Variants in GEMIN7 observed in about 807,000 individuals in gnomAD.
The protein encoded by GEMIN7 is gem nuclear organelle associated protein 7, also known as gem-associated protein 7.
GEMIN7 carries 7 observed loss-of-function variants against 7.8 expected under a neutral mutation model. The ratio of observed to expected loss-of-function variants is 0.90; its 90% CI spans 0.51 to 1.69. GEMIN7 has a LOEUF of 1.69. Ranked by LOEUF, GEMIN7 falls within the 40% of genes most tolerant of loss-of-function variation. The probability of loss-of-function intolerance (pLI) is 0.00; values close to 1 mark genes in which losing one functional copy is unlikely to be tolerated. For missense variants in GEMIN7, 159 were observed against 176.2 expected (o/e 0.90, Z 0.55); for synonymous variants, 68 against 72.4 (o/e 0.94, Z 0.31).
chr19:45,085,119 C>T (rs1185451905), intron 2 of GEMIN7, among the ~76,000 whole-genome samples: 3 of 152,182 alleles, frequency 2.0e-5, no homozygotes, highest in Non-Finnish European at 4.4e-5. Flanking sequence ...AGGGTTTCAC[C>T]GTGTTGACCA....
At chr19:45,076,128 G>C (rs1387100614), upstream of GEMIN7, 2 of 1,556,524 alleles carry the variant, frequency 1.3e-6, no homozygotes, top group Non-Finnish European at 1.7e-6. This position sits in a 1 kb window ranked among gnomAD's most constrained non-coding sequence, Gnocchi z 4.9. Context: ...TCCGCGGGCC[G>C]AGGGCGAGGA....
chr19:45,076,749 TAGTC>T (rs1967364136), upstream of GEMIN7: 1 of 198,404 alleles, frequency 5.0e-6, no homozygotes, highest in Non-Finnish European at 1.0e-5. This position sits in a 1 kb window ranked among gnomAD's most constrained non-coding sequence, Gnocchi z 4.9. Flanking sequence ...GCGAGAAAAA[TAGTC>T]GGTCACGTTT....
intron 2 of GEMIN7, among the ~76,000 whole-genome samples, 191 bp from the exon 3 acceptor site, chr19:45,089,916 G>C (rs1034371731): frequency 4.6e-5 from 7 of 152,196 alleles, no homozygotes; most frequent in African/African-American, 1.7e-4. Context: ...TCATGTTTTT[G>C]TGCATGTGAC....
intron 2 of GEMIN7, among the ~76,000 whole-genome samples, chr19:45,082,448 T>C (rs7250924): frequency 0.6 from 90,595 of 151,908 alleles, 27,680 homozygotes; most frequent in African/African-American, 0.69. Context: ...CCTACTCACT[T>C]TGGGTCATCA....
chr19:45,080,788 T>A (rs1440742055), intron 2 of GEMIN7, among the ~76,000 whole-genome samples: 2 of 138,540 alleles, frequency 1.4e-5, no homozygotes, highest in Non-Finnish European at 3.1e-5. Flanking sequence ...TTTTTCCTGA[T>A]GGAGAAAACA....
At chr19:45,081,328 C>T (rs1295918090) in intron 2 of GEMIN7, among the ~76,000 whole-genome samples, 4 of 151,864 alleles carry the variant, frequency 2.6e-5, no homozygotes, top group Admixed American at 6.6e-5. Flanking sequence ...CAGTGGTGCG[C>T]GCCTGTAGTC....
intron 2 of GEMIN7, chr19:45,085,296 T>C (rs1967643330): frequency 6.6e-6 from 1 of 152,196 alleles, no homozygotes; most frequent in African/African-American, 2.4e-5. Context: ...AGTGTTTCAT[T>C]TGGGGCCATC....
At chr19:45,079,700 A>AG (rs1967434315) in intron 1 of GEMIN7, among the ~76,000 whole-genome samples, 1 of 152,130 alleles carries the variant, frequency 6.6e-6, no homozygotes, top group Admixed American at 6.5e-5. Flanking sequence ...TTAGTATAAG[A>AG]AAAGGAGAGC....
At chr19:45,083,706 T>C (rs1249617209) in intron 2 of GEMIN7, among the ~76,000 whole-genome samples, 1 of 147,714 alleles carries the variant, frequency 6.8e-6, no homozygotes, top group Non-Finnish European at 1.5e-5. Context: ...GCTCACTAGA[T>C]CTTCCCACCT....
chr19:45,080,767 T>TTG (rs1555735704), intron 2 of GEMIN7, among the ~76,000 whole-genome samples: 2 of 123,966 alleles, frequency 1.6e-5, no homozygotes, highest in South Asian at 2.8e-4. Context: ...TGTTTTTTGT[T>TTG]TTTTTTTTTT....
At position 45,090,420 on chromosome 19, in the gene GEMIN7, C is replaced by T. The variant is rs771267356; in HGVS notation, c.306C>T (p.Phe102=). The change falls in exon 3 of 3, where the codon TTC becomes TTT. Residue 102 remains phenylalanine, a synonymous_variant. Coordinates refer to ENST00000270257, the MANE Select transcript of GEMIN7 (RefSeq NM_024707.3). ...FGATDLDVAN[F]YVSQLQTPIG... ...CCACCGACCTGGATGTGGCCAACTT[C>T]TACGTGTCACAGCTGCAGACTCCCA... 13 of 1,614,150 alleles carry T rather than the reference C, an allele frequency of 8.1e-6. No homozygotes were observed. Among genetic ancestry groups the T allele is most frequent in the Middle Eastern group, 1.6e-4 (1 of 6,062 alleles).
intron 2 of GEMIN7, among the ~76,000 whole-genome samples, chr19:45,082,098 C>T (rs1289717813): frequency 6.6e-6 from 1 of 152,136 alleles, no homozygotes; most frequent in Non-Finnish European, 1.5e-5. Flanking sequence ...ATCCTGAGGA[C>T]CTTAAGCCAG....
At chr19:45,076,480 C>G, upstream of GEMIN7, 1 of 829,736 alleles carries the variant, frequency 1.2e-6, no homozygotes, top group African/African-American at 1.8e-5. The surrounding 1 kb of genome is among the most constrained non-coding windows in gnomAD (Gnocchi z 4.9). Context: ...TGAGTGACTG[C>G]GGCGACCCGC....
chr19:45,079,832 A>G (rs1967439473), intron 1 of GEMIN7, 75 bp from the exon 2 acceptor site: 1 of 152,236 alleles, frequency 6.6e-6, no homozygotes, highest in African/African-American at 2.4e-5. Context: ...AATTTGCATC[A>G]AGATTCAGCA....
chr19:45,088,936 C>CTT lies in GEMIN7; in HGVS notation c.-8-1158_-8-1157dup, dbSNP rs368470130. Among the ~76,000 whole-genome samples the CTT allele has an allele frequency of 7.0e-3, 1,003 of 142,966 alleles. 15 individuals carry two copies. Among genetic ancestry groups the CTT allele is most frequent in the African/African-American group, 0.018 (691 of 38,534 alleles). 93.8% of individuals were successfully genotyped at this position (142,966 alleles called of 152,430 possible). On this transcript the variant is annotated intron_variant, in intron 2 of 2. Coordinates refer to ENST00000270257, the MANE Select transcript of GEMIN7 (RefSeq NM_024707.3). ...ATACTTCATCAAACTCCCATCCATG[C>CTT]TTTTTTTTTTTTTTCTTTTTTTTGA... is the stretch of plus-strand genomic sequence containing the variant.
chr19:45,080,198 G>A (rs940035216), intron 2 of GEMIN7, among the ~76,000 whole-genome samples, 169 bp downstream of exon 2: 99 of 148,800 alleles, frequency 6.7e-4, no homozygotes, highest in Admixed American at 6.1e-3. Flanking sequence ...AGGTCACCAG[G>A]GACAATGGAT....
chr19:45,087,035 C>T (rs569896753), intron 2 of GEMIN7, among the ~76,000 whole-genome samples: 4 of 152,032 alleles, frequency 2.6e-5, no homozygotes, highest in East Asian at 1.9e-4. Flanking sequence ...TTAGTAGAGA[C>T]GGGGTTTCAC....
chr19:45,085,960 C>T (rs1221271325), intron 2 of GEMIN7, among the ~76,000 whole-genome samples: 8 of 149,724 alleles, frequency 5.3e-5, no homozygotes, highest in African/African-American at 2.0e-4. Flanking sequence ...CTCCGCCTCC[C>T]GGGTTCACGC....
At chr19:45,089,122 G>C (rs1053825584) in intron 2 of GEMIN7, among the ~76,000 whole-genome samples, 11 of 151,558 alleles carry the variant, frequency 7.3e-5, no homozygotes, top group Non-Finnish European at 1.0e-4. Flanking sequence ...TTGTATTTTT[G>C]GTAGAGGCGG....
Sources: allele counts gnomAD v4.1 joint callset (sites outside exome capture counted in the v4.1 genomes callset), GRCh38; gene constraint gnomAD v4.1.1; non-coding constraint Gnocchi (gnomAD v3.1); transcripts MANE v1.5; gene names NCBI Gene and HGNC (gene_info 2026-07-23, HGNC 2026-07-21).